The following ADA variants were observed in gnomAD, a reference collection of about 807,000 sequenced individuals.
The protein encoded by ADA is adenosine aminohydrolase.
Under a neutral mutation model 49.0 loss-of-function variants are expected in ADA, and 45 were observed. The ratio of observed to expected loss-of-function variants is 0.92; its 90% CI spans 0.72 to 1.18. The LOEUF is 1.18. Among genes scored for constraint, ADA ranks in the 50% most tolerant of loss-of-function variants. The pLI is 0.00. For synonymous variants in ADA, 173 were observed against 184.2 expected (o/e 0.94, Z 0.49); for missense variants, 445 against 472.5 (o/e 0.94, Z 0.54).
chr20:44,619,950 G>A (rs961568811), intron 11 of ADA, 103 bp from the exon 12 acceptor site: 2 of 1,473,874 alleles, frequency 1.4e-6, no homozygotes, highest in African/African-American at 2.8e-5. Context: ...TCCTTCCTAT[G>A]ATGGCAAGAA....
chr20:44,646,833 GAGCAA>G (rs898168023), intron 1 of ADA, among the ~76,000 whole-genome samples: 5 of 151,812 alleles, frequency 3.3e-5, no homozygotes, highest in African/African-American at 1.2e-4. Flanking sequence ...ATTGGCAAAT[GAGCAA>G]AGCAATGAAC....
intron 5 of ADA, 78 bp from the exon 6 acceptor site, chr20:44,624,407 C>T (rs2065363114): frequency 6.3e-7 from 1 of 1,595,546 alleles, no homozygotes; most frequent in East Asian, 2.2e-5. Context: ...TGCTGTCCCA[C>T]CCAAACCCCC....
At position 44,621,160 on chromosome 20, in the gene ADA, G is replaced by A. The variant is rs756492274; in HGVS notation, c.846-13C>T. 6.2e-7 allele frequency: 1 copy of A among 1,614,162 alleles called. No homozygotes were observed. The highest frequency in any genetic ancestry group is 8.5e-7 in the Non-Finnish European group (1 of 1,180,026). On this transcript the variant is annotated splice_polypyrimidine_tract_variant and intron_variant, in intron 9 of 11. Transcript: ENST00000372874. Reference sequence around the variant, plus strand: ...GTCATTTTTGAGCCTGCAGAAGAGGGAGGAGGAGAGAATCAGCCTCCTTTT... The same window carrying A: ...GTCATTTTTGAGCCTGCAGAAGAGGAAGGAGGAGAGAATCAGCCTCCTTTT...
intron 1 of ADA, among the ~76,000 whole-genome samples, chr20:44,641,897 A>T (rs2065539352): frequency 6.6e-6 from 1 of 151,182 alleles, no homozygotes; most frequent in African/African-American, 2.4e-5. Context: ...CCTCCCAAGT[A>T]GCTGGGATTA....
intron 1 of ADA, among the ~76,000 whole-genome samples, chr20:44,645,211 G>A (rs1481537337): frequency 3.9e-5 from 6 of 152,018 alleles, no homozygotes; most frequent in Non-Finnish European, 5.9e-5. Flanking sequence ...GTGGAAGGGA[G>A]GACCAGCGGG....
Position 44,622,887 on chromosome 20 carries a change from T to A in ADA, c.722A>T (p.His241Leu). The change falls in exon 8 of 12, where the codon CAC becomes CTC. Residue 241 changes from histidine (H) to leucine (L), a missense_variant. His to Leu is a moderately conservative substitution (Grantham distance 99, BLOSUM62 -3). Coordinates refer to ENST00000372874, the MANE Select transcript of ADA (RefSeq NM_000022.4). ...ATAAAGGGCCTGGTCTTCCAGGGTG[T>A]GGTAGCCGTGTCCCAGCCGCTCTGT... is the stretch of plus-strand genomic sequence containing the variant. ...LKTERLGHGY[H>L]TLEDQALYNR... 1 of 1,614,202 alleles carries A rather than the reference T, an allele frequency of 6.2e-7. No homozygotes were observed. The highest frequency in any genetic ancestry group is 8.5e-7 in the Non-Finnish European group (1 of 1,180,030).
At chr20:44,638,192 C>T (rs1410938463) in intron 1 of ADA, among the ~76,000 whole-genome samples, 3 of 152,236 alleles carry the variant, frequency 2.0e-5, no homozygotes, top group African/African-American at 7.2e-5. Flanking sequence ...GGGAGAATGG[C>T]AGTCCTTCCT....
chr20:44,643,973 G>A (rs1049298886), intron 1 of ADA, among the ~76,000 whole-genome samples: 5 of 151,936 alleles, frequency 3.3e-5, no homozygotes, highest in African/African-American at 9.7e-5. Context: ...TCAGTGTGTC[G>A]GTGGCAGAGC....
chr20:44,644,365 GACC>G (rs1490435801), intron 1 of ADA, among the ~76,000 whole-genome samples: 2 of 152,056 alleles, frequency 1.3e-5, no homozygotes, highest in Non-Finnish European at 2.9e-5. Flanking sequence ...TGTGTTCAAT[GACC>G]ACACCGTTAT....
At chr20:44,630,162 T>C (rs1310947862) in intron 2 of ADA, among the ~76,000 whole-genome samples, 1 of 151,886 alleles carries the variant, frequency 6.6e-6, no homozygotes, top group Non-Finnish European at 1.5e-5. Flanking sequence ...CTGGCCAACA[T>C]GGTGAAACCC....
At chr20:44,623,175 G>T in intron 6 of ADA, 97 bp from the exon 7 acceptor site, 2 of 1,562,642 alleles carry the variant, frequency 1.3e-6, no homozygotes, top group South Asian at 2.3e-5. Flanking sequence ...TCCTAGTCAT[G>T]CTGCCTGCTT....
chr20:44,630,471 C>T (rs938275531), intron 2 of ADA, among the ~76,000 whole-genome samples: 8 of 152,022 alleles, frequency 5.3e-5, no homozygotes, highest in African/African-American at 1.7e-4. Flanking sequence ...ACAAAAAAGA[C>T]ATGAATATCC....
intron 6 of ADA, 43 bp from the exon 7 acceptor site, chr20:44,623,121 G>T (rs1251391820): frequency 1.9e-6 from 3 of 1,611,816 alleles, no homozygotes; most frequent in South Asian, 2.2e-5. Context: ...TAGCGGGAGG[G>T]CCCCGGCAGG....
chr20:44,621,158 GGGA>G lies in ADA; in HGVS notation c.846-14_846-12del. On this transcript the variant is annotated splice_polypyrimidine_tract_variant and intron_variant, in intron 9 of 11. Transcript: ENST00000372874. Reference sequence around the variant, plus strand: ...TGGTCATTTTTGAGCCTGCAGAAGAGGGAGGAGGAGAGAATCAGCCTCCTTTTA... The same window carrying G: ...TGGTCATTTTTGAGCCTGCAGAAGAGGGAGGAGAGAATCAGCCTCCTTTTA... 1 of 1,614,182 alleles carries G rather than the reference GGGA, an allele frequency of 6.2e-7. No homozygotes were observed. The highest frequency in any genetic ancestry group is 8.5e-7 in the Non-Finnish European group (1 of 1,180,048).
At chr20:44,651,517 G>GC in intron 1 of ADA, 58 bp downstream of exon 1, 1 of 1,494,294 alleles carries the variant, frequency 6.7e-7, no homozygotes, top group Admixed American at 2.0e-5. Flanking sequence ...GCCCCGCTAA[G>GC]CCCCTCGGGC....
intron 2 of ADA, among the ~76,000 whole-genome samples, chr20:44,632,089 T>C (rs183300724): frequency 5.9e-5 from 9 of 152,220 alleles, no homozygotes; most frequent in Non-Finnish European, 1.0e-4. Flanking sequence ...TCAACAACCA[T>C]CAAGAAGGAA....
At chr20:44,643,041 C>A (rs2145351941) in intron 1 of ADA, among the ~76,000 whole-genome samples, 1 of 152,274 alleles carries the variant, frequency 6.6e-6, no homozygotes, top group African/African-American at 2.4e-5. Flanking sequence ...GTGGCTCAAG[C>A]TCAGGCAGGC....
rs765144557 is a variant in ADA, at chr20:44,636,260, G to C, written c.62C>G (p.Ser21Cys). The change falls in exon 2 of 12, where the codon TCC (serine) becomes TGC (cysteine). Residue 21 changes from serine to cysteine, a missense_variant. Transcript: ENST00000372874. Reference protein sequence around the residue: ...KVELHVHLDGSIKPETILYYG... With the variant: ...KVELHVHLDGCIKPETILYYG... ...GTATAAGATGGTTTCAGGCTTGATG[G>C]ATCCGTCTAGGTGGACATGCAGTTC... The C allele has an allele frequency of 1.2e-6, 2 of 1,610,072 alleles. No homozygotes were observed. The highest frequency in any genetic ancestry group is 3.4e-5 in the Admixed American group (2 of 59,416).
chr20:44,648,444 G>A (rs550659834), intron 1 of ADA, among the ~76,000 whole-genome samples: 1 of 152,146 alleles, frequency 6.6e-6, no homozygotes, highest in African/African-American at 2.4e-5. Context: ...CCATTCCCAC[G>A]GGACACTGAC....
Sources: allele counts gnomAD v4.1 joint callset (sites outside exome capture counted in the v4.1 genomes callset), GRCh38; gene constraint gnomAD v4.1.1; transcripts MANE v1.5; gene names NCBI Gene and HGNC (gene_info 2026-07-23, HGNC 2026-07-21).